Variants in DLGAP3 observed in about 807,000 individuals in gnomAD.
The protein encoded by DLGAP3 is disks large-associated protein 3.
DLGAP3 carries 17 observed loss-of-function variants against 81.2 expected under a neutral mutation model. The ratio of observed to expected loss-of-function variants is 0.21; its 90% confidence interval spans 0.14 to 0.31. DLGAP3 has a LOEUF of 0.31. DLGAP3 is among the 10% of genes least tolerant of loss of function. The pLI is 1.00. For synonymous variants in DLGAP3, 577 were observed against 587.4 expected (o/e 0.98, Z 0.26); for missense variants, 1,124 against 1,388.0 (o/e 0.81, Z 3.02).
intron 5 of DLGAP3, among the ~76,000 whole-genome samples, chr1:34,890,362 G>C (rs951927025): frequency 1.3e-5 from 2 of 152,218 alleles, no homozygotes; most frequent in African/African-American, 4.8e-5. Context: ...TTATGTGGGA[G>C]ACAGCCTCTG....
chr1:34,896,464 G>A (rs766367151), intron 5 of DLGAP3, among the ~76,000 whole-genome samples: 1 of 151,922 alleles, frequency 6.6e-6, no homozygotes, highest in Non-Finnish European at 1.5e-5. Context: ...TGGCGCACAC[G>A]TGTAATCCCA....
intron 1 of DLGAP3, among the ~76,000 whole-genome samples, chr1:34,907,698 G>T (rs1472489425): frequency 6.6e-6 from 1 of 152,148 alleles, no homozygotes; most frequent in Admixed American, 6.5e-5. Context: ...CTGAGCCACT[G>T]CGTTGTTTTT....
At chr1:34,926,383 C>T (rs1639872584) in intron 1 of DLGAP3, among the ~76,000 whole-genome samples, 1 of 152,212 alleles carries the variant, frequency 6.6e-6, no homozygotes, top group Non-Finnish European at 1.5e-5. Flanking sequence ...ACTGCCTCAC[C>T]CCAGCTCAAA....
chr1:34,877,207 G>A (rs975278748), intron 8 of DLGAP3, among the ~76,000 whole-genome samples: 1 of 152,194 alleles, frequency 6.6e-6, no homozygotes, highest in Non-Finnish European at 1.5e-5. Context: ...CCAAACCTGC[G>A]CAGCAAGGGG....
At chr1:34,918,014 G>C (rs184235722) in intron 1 of DLGAP3, among the ~76,000 whole-genome samples, 2 of 152,232 alleles carry the variant, frequency 1.3e-5, no homozygotes, top group Admixed American at 1.3e-4. Context: ...AGCTGAGGGA[G>C]GGAGGGGGCT....
chr1:34,876,360 T>C (rs1157139472), intron 8 of DLGAP3, among the ~76,000 whole-genome samples: 1 of 152,152 alleles, frequency 6.6e-6, no homozygotes, highest in Non-Finnish European at 1.5e-5. Context: ...CCTTTCCTGC[T>C]CAGCAATTTT....
chr1:34,867,004 T>C lies in DLGAP3; in HGVS notation c.2721+44A>G, dbSNP rs1449173465. 3.1e-6 allele frequency: 5 copies of C among 1,612,984 alleles called. No individual in the cohort carries two copies. The African/African-American group carries it at 5.3e-5, about 17-fold the overall frequency. ...CCTCCACCTCTCTGGGGAGGGGAAT[T>C]TCCCAGAGTCTGGCCTCTTTGCCTG... On this transcript the variant is annotated intron_variant, in intron 11 of 11. Transcript: ENST00000373347. The surrounding 1 kb of genome is among the most constrained non-coding windows in gnomAD (Gnocchi z 4.3).
rs1639700529 is a variant in DLGAP3 at position 34,915,340 on chromosome 1, T to C, written c.-134-7903A>G. Among the ~76,000 whole-genome samples the C allele has an allele frequency of 2.0e-5, 3 of 152,258 alleles. No individual in the cohort carries two copies. The South Asian group carries it at 6.2e-4, about 32-fold the overall frequency. ...TCTTTCATTTGTATGTGATTTGGAC[T>C]CGTGCTGCCCTAGCTTCCAGGATGC... On this transcript the variant is annotated intron_variant, in intron 1 of 11. Transcript: ENST00000373347.
In DLGAP3 at chr1:34,911,657, G is replaced by A. The variant is rs574708960; in HGVS notation, c.-134-4220C>T. 8.5e-5 allele frequency among the ~76,000 whole-genome samples: 13 copies of A among 152,274 alleles called. No individual in the cohort carries two copies. In the South Asian group the frequency reaches 1.2e-3, roughly 15 times the overall value. Reference sequence around the variant, plus strand: ...GAATGGAAGAAGTGGCACAGATGCCGTCACCAAGAAATTACCCAATTTAGC... The same window carrying A: ...GAATGGAAGAAGTGGCACAGATGCCATCACCAAGAAATTACCCAATTTAGC... On this transcript the variant is annotated intron_variant, in intron 1 of 11. Coordinates refer to ENST00000373347, the MANE Select transcript of DLGAP3 (RefSeq NM_001080418.3).
intron 8 of DLGAP3, among the ~76,000 whole-genome samples, chr1:34,882,256 C>G (rs1639157105): frequency 1.3e-5 from 2 of 152,160 alleles, no homozygotes; most frequent in South Asian, 4.1e-4. Context: ...GCGGGCTGAT[C>G]ACCTGAGGTC....
intron 1 of DLGAP3, among the ~76,000 whole-genome samples, chr1:34,927,156 G>A (rs879292355): frequency 2.0e-5 from 3 of 152,154 alleles, no homozygotes; most frequent in East Asian, 1.9e-4. Flanking sequence ...CATCTGTAGC[G>A]CCCTCTCTTT....
intron 11 of DLGAP3, among the ~76,000 whole-genome samples, 165 bp downstream of exon 11, chr1:34,866,883 G>T (rs1305080122): frequency 6.6e-6 from 1 of 152,360 alleles, no homozygotes; most frequent in Middle Eastern, 3.4e-3. Flanking sequence ...GTGGCCACGA[G>T]CGTGGTCACT....
intron 2 of DLGAP3, among the ~76,000 whole-genome samples, chr1:34,906,846 C>A (rs1313692566): frequency 6.6e-6 from 1 of 152,202 alleles, no homozygotes; most frequent in Admixed American, 6.5e-5. Context: ...GGTCAGCTCT[C>A]AGCAAGAGCT....
At chr1:34,922,322 G>A (rs1206316158) in intron 1 of DLGAP3, among the ~76,000 whole-genome samples, 1 of 152,228 alleles carries the variant, frequency 6.6e-6, no homozygotes, top group East Asian at 1.9e-4. Flanking sequence ...GGGTGATCAA[G>A]CTCAAGCTGT....
intron 5 of DLGAP3, 146 bp from the exon 6 acceptor site, chr1:34,886,431 C>T: frequency 1.2e-6 from 1 of 825,734 alleles, no homozygotes; most frequent in African/African-American, 1.7e-5. Context: ...GAAACTCTAA[C>T]TCTTTGCAAA....
intron 1 of DLGAP3, among the ~76,000 whole-genome samples, chr1:34,921,024 A>T (rs1390470620): frequency 6.6e-6 from 1 of 152,204 alleles, no homozygotes; most frequent in East Asian, 1.9e-4. Context: ...ACAGTGAGGA[A>T]GTGAGTTGCC....
At position 34,905,332 on chromosome 1, in the gene DLGAP3, C is replaced by G; in HGVS notation, c.52G>C (p.Ala18Pro). 6.4e-7 allele frequency: 1 copy of G among 1,560,646 alleles called. No individual in the cohort carries two copies. The highest frequency in any genetic ancestry group is 1.4e-5 in the African/African-American group (1 of 73,800). Residue 18 changes from alanine to proline, a missense_variant, in exon 3 of 12, where the codon GCT becomes CCT. Physicochemically the swap from Ala to Pro is conservative, Grantham distance 27. This residue lies in a region of DLGAP3 where 167 missense variants were observed against 172.1 expected (regional missense o/e 0.97). Transcript: ENST00000373347. ...RGSHPRPARFADQQHMDVGPA... is the reference protein window; with the variant it reads ...RGSHPRPARFPDQQHMDVGPA... Reference sequence around the variant, plus strand: ...CCCACGTCCATATGCTGTTGGTCAGCAAAGCGGGCTGGGCGGGGATGGCTG... The same window carrying G: ...CCCACGTCCATATGCTGTTGGTCAGGAAAGCGGGCTGGGCGGGGATGGCTG...
At position 34,897,449 on chromosome 1, in the gene DLGAP3, A is replaced by G. The variant is rs530758680; in HGVS notation, c.1386+2220T>C. ...CCATGGGAGTGGCTGGGAAGGGGAC[A>G]TCCAGGCAAAGGTAGTGGCAAATGC... On this transcript the variant is annotated intron_variant, in intron 5 of 11. Transcript: ENST00000373347. Among the ~76,000 whole-genome samples, 7 of 152,248 alleles carry G rather than the reference A, an allele frequency of 4.6e-5. No homozygotes were observed. The East Asian group carries it at 7.7e-4, about 17-fold the overall frequency.
intron 1 of DLGAP3, among the ~76,000 whole-genome samples, chr1:34,913,868 C>T (rs956326711): frequency 6.6e-6 from 1 of 152,174 alleles, no homozygotes; most frequent in South Asian, 2.1e-4. Flanking sequence ...TATACCCAGC[C>T]TTGTTCATGA....
Sources: gnomAD v4.1 joint callset for allele counts (sites outside exome capture counted in the v4.1 genomes callset) on GRCh38, gnomAD v4.1.1 for gene constraint, gnomAD v4.1.1 regional missense constraint, Gnocchi (gnomAD v3.1) non-coding constraint, MANE v1.5 for transcripts, NCBI Gene and HGNC (gene_info 2026-07-23, HGNC 2026-07-21) for gene names.